Variants in KLHL32 observed in about 807,000 individuals in gnomAD.
KLHL32 encodes the protein kelch like family member 32, also known as kelch-like protein 32.
A neutral mutation model predicts 64.8 loss-of-function variants in KLHL32; 35 were observed. The ratio of observed to expected loss-of-function variants is 0.54; its 90% CI spans 0.41 to 0.72. KLHL32 has a LOEUF of 0.72. KLHL32 is among the 30% of genes least tolerant of loss of function. KLHL32 has a pLI of 0.00. For synonymous variants in KLHL32, 259 were observed against 281.0 expected (o/e 0.92, Z 0.78); for missense variants, 589 against 768.5 (o/e 0.77, Z 2.76).
In KLHL32 at chr6:96,996,335, A is replaced by G. The variant is rs565336026; in HGVS notation, c.204+20158A>G. ...TTAGAGGCTGGGCGTGCTCCTGCCT[A>G]TGTAATTTTTAGAATTGAGAAAAGG... On this transcript the variant is annotated intron_variant, in intron 3 of 10. Coordinates refer to ENST00000369261, the MANE Select transcript of KLHL32 (RefSeq NM_052904.4). Among the ~76,000 whole-genome samples, 3 of 152,316 alleles carry G rather than the reference A, an allele frequency of 2.0e-5. No homozygotes were observed. In the South Asian group the frequency reaches 6.2e-4, roughly 32 times the overall value.
At chr6:97,061,935 C>A (rs1788978554) in intron 4 of KLHL32, among the ~76,000 whole-genome samples, 1 of 152,212 alleles carries the variant, frequency 6.6e-6, no homozygotes, top group African/African-American at 2.4e-5. Flanking sequence ...TTTGCAAACA[C>A]TGGTTCTGTT....
intron 3 of KLHL32, among the ~76,000 whole-genome samples, chr6:97,027,646 T>C (rs1412301396): frequency 6.6e-6 from 1 of 152,202 alleles, no homozygotes; most frequent in African/African-American, 2.4e-5. Flanking sequence ...CTTAGGATGA[T>C]TTACTCTTTC....
chr6:97,097,910 A>C (rs1370752638), intron 6 of KLHL32, among the ~76,000 whole-genome samples: 1 of 152,218 alleles, frequency 6.6e-6, no homozygotes, highest in African/African-American at 2.4e-5. Context: ...CATATATGAA[A>C]GTGAAGGCCC....
chr6:97,099,709 T>C (rs1441351182), intron 6 of KLHL32, among the ~76,000 whole-genome samples: 1 of 152,188 alleles, frequency 6.6e-6, no homozygotes, highest in Non-Finnish European at 1.5e-5. Context: ...CCACCCGAAC[T>C]AAGCCCTGCC....
chr6:97,069,001 A>C (rs1326710236), intron 5 of KLHL32, among the ~76,000 whole-genome samples: 1 of 152,098 alleles, frequency 6.6e-6, no homozygotes, highest in Non-Finnish European at 1.5e-5. Context: ...TAGGTAGAGC[A>C]TTTTATCATT....
chr6:96,955,438 G>C (rs1239186993), intron 1 of KLHL32, among the ~76,000 whole-genome samples: 1 of 151,498 alleles, frequency 6.6e-6, no homozygotes, highest in Non-Finnish European at 1.5e-5. Flanking sequence ...TGATCTTGGG[G>C]GTTTATTGTT....
chr6:96,967,941 C>A (rs751973762), intron 2 of KLHL32, among the ~76,000 whole-genome samples: 13 of 152,184 alleles, frequency 8.5e-5, no homozygotes, highest in Non-Finnish European at 1.8e-4. Flanking sequence ...TGAATAGTCT[C>A]ACTGGAGGTA....
intron 1 of KLHL32, among the ~76,000 whole-genome samples, chr6:96,947,294 A>C (rs894940677): frequency 5.9e-5 from 9 of 152,242 alleles, no homozygotes; most frequent in African/African-American, 1.7e-4. Flanking sequence ...CACGCTGCAC[A>C]GCTGAGTTCT....
the KLHL32 span, among the ~76,000 whole-genome samples, chr6:96,912,789 TGAG>T: frequency 2.0e-5 from 3 of 152,168 alleles, no homozygotes; most frequent in South Asian, 6.2e-4. Flanking sequence ...AAAATCTCAG[TGAG>T]GAGACCCTCC....
chr6:97,123,359 G>A (rs1345260583), intron 7 of KLHL32, among the ~76,000 whole-genome samples: 3 of 152,104 alleles, frequency 2.0e-5, no homozygotes, highest in Admixed American at 6.6e-5. Context: ...ATTTTGTGGC[G>A]AGTTGTACAG....
chr6:96,909,830 T>C, the KLHL32 span, among the ~76,000 whole-genome samples: 15 of 152,346 alleles, frequency 9.8e-5, no homozygotes, highest in African/African-American at 3.6e-4. Flanking sequence ...TTTGAACACA[T>C]TAAAAATTAG....
chr6:96,904,275 G>C, the KLHL32 span, among the ~76,000 whole-genome samples: 1 of 151,108 alleles, frequency 6.6e-6, no homozygotes, highest in East Asian at 1.9e-4. Context: ...CCAGGAGGCG[G>C]AGGTTGCAGT....
At chr6:97,029,935 T>C (rs1783293208) in intron 3 of KLHL32, among the ~76,000 whole-genome samples, 1 of 152,224 alleles carries the variant, frequency 6.6e-6, no homozygotes, top group Admixed American at 6.5e-5. Flanking sequence ...ATATAGAAGA[T>C]GTAAGATGTA....
chr6:97,079,883 T>C (rs1053983710), intron 5 of KLHL32, among the ~76,000 whole-genome samples: 1 of 152,124 alleles, frequency 6.6e-6, no homozygotes, highest in Non-Finnish European at 1.5e-5. Context: ...AAGAGTAAGA[T>C]TTTCTTTTAC....
At chr6:96,991,791 C>G (rs1344861531) in intron 3 of KLHL32, among the ~76,000 whole-genome samples, 1 of 152,026 alleles carries the variant, frequency 6.6e-6, no homozygotes, top group Non-Finnish European at 1.5e-5. Context: ...GAGCTGCTAC[C>G]GCGGAGAGCC....
chr6:97,017,006 T>C (rs1781303619), intron 3 of KLHL32, among the ~76,000 whole-genome samples: 1 of 152,190 alleles, frequency 6.6e-6, no homozygotes, highest in Admixed American at 6.5e-5. Context: ...TGTGGAACTG[T>C]GAGTCAATTA....
intron 7 of KLHL32, among the ~76,000 whole-genome samples, chr6:97,126,344 GTT>G (rs147910554): frequency 3.5e-5 from 5 of 141,904 alleles, no homozygotes; most frequent in African/African-American, 1.0e-4. Flanking sequence ...GCTGTTTTAT[GTT>G]TTTTTTTTTT....
chr6:97,058,398 GT>G (rs1375378644), intron 4 of KLHL32, among the ~76,000 whole-genome samples: 1 of 152,098 alleles, frequency 6.6e-6, no homozygotes, highest in Non-Finnish European at 1.5e-5. Context: ...CATTTATTTA[GT>G]TTTTCTTTGA....
At chr6:97,018,941 T>G (rs552993798) in intron 3 of KLHL32, among the ~76,000 whole-genome samples, 1 of 152,350 alleles carries the variant, frequency 6.6e-6, no homozygotes, top group Non-Finnish European at 1.5e-5. Flanking sequence ...TAGATTTTTT[T>G]AAATGTAGAC....
Sources: allele counts gnomAD v4.1 joint callset (sites outside exome capture counted in the v4.1 genomes callset), GRCh38; gene constraint gnomAD v4.1.1; transcripts MANE v1.5; gene names NCBI Gene and HGNC (gene_info 2026-07-23, HGNC 2026-07-21).